CTNNA1: variants seen among roughly 807,000 people sequenced by gnomAD.
The protein encoded by CTNNA1 is catenin alpha 1.
Under a neutral mutation model 98.4 loss-of-function variants are expected in CTNNA1, and 37 were observed. That is an observed-to-expected ratio of 0.38 (90% CI 0.29 to 0.49). CTNNA1 has a LOEUF of 0.49. Ranked by LOEUF, CTNNA1 falls within the 20% of genes least tolerant of loss-of-function variation. The probability of loss-of-function intolerance (pLI) is 0.95; values close to 1 mark genes in which losing one functional copy is unlikely to be tolerated. For synonymous variants in CTNNA1, 404 were observed against 413.2 expected (o/e 0.98, Z 0.27); for missense variants, 761 against 1,147.2 (o/e 0.66, Z 4.86).
chr5:138,843,622 A>G (rs944498045), intron 7 of CTNNA1, among the ~76,000 whole-genome samples: 6 of 152,242 alleles, frequency 3.9e-5, no homozygotes, highest in Admixed American at 3.3e-4. Flanking sequence ...AAATGATGCC[A>G]TTATGTAGAG....
intron 9 of CTNNA1, among the ~76,000 whole-genome samples, chr5:138,894,348 C>T (rs1176726273): frequency 6.8e-6 from 1 of 146,060 alleles, no homozygotes; most frequent in African/African-American, 2.5e-5. Context: ...GTGACACAAT[C>T]ATGGCTCACT....
intron 5 of CTNNA1, among the ~76,000 whole-genome samples, chr5:138,822,160 C>T (rs1344097340): frequency 6.6e-6 from 1 of 152,170 alleles, no homozygotes; most frequent in African/African-American, 2.4e-5. Flanking sequence ...GAAAATGGCA[C>T]ACAGAACATA....
intron 10 of CTNNA1, chr5:138,904,671 A>G: frequency 1.9e-6 from 1 of 527,820 alleles, no homozygotes; most frequent in Non-Finnish European, 3.2e-6. Flanking sequence ...GAAAATGCAC[A>G]GTGGGCTGGG....
chr5:138,846,088 G>A (rs181729185), intron 7 of CTNNA1, among the ~76,000 whole-genome samples: 4 of 152,132 alleles, frequency 2.6e-5, no homozygotes, highest in Admixed American at 2.0e-4. Context: ...CACCACGCCC[G>A]GCTAATTTTC....
At chr5:138,769,610 G>T (rs571439875) in intron 1 of CTNNA1, among the ~76,000 whole-genome samples, 1 of 151,916 alleles carries the variant, frequency 6.6e-6, no homozygotes, top group Non-Finnish European at 1.5e-5. Flanking sequence ...TTGGCTCACC[G>T]CAGCCTCCGC....
intron 9 of CTNNA1, among the ~76,000 whole-genome samples, chr5:138,893,491 A>G (rs532145715): frequency 1.3e-5 from 2 of 151,522 alleles, no homozygotes; most frequent in African/African-American, 4.9e-5. Flanking sequence ...GCATTTTTCC[A>G]CATATTATTG....
chr5:138,827,824 G>A (rs1471589073), intron 7 of CTNNA1, 106 bp downstream of exon 7: 1 of 1,382,990 alleles, frequency 7.2e-7, no homozygotes, highest in Non-Finnish European at 9.8e-7. Flanking sequence ...ATATGTCCTT[G>A]ACTCCTTGAT....
At chr5:138,756,732 A>T in intron 1 of CTNNA1, among the ~76,000 whole-genome samples, 1 of 152,220 alleles carries the variant, frequency 6.6e-6, no homozygotes, top group East Asian at 1.9e-4. Flanking sequence ...AGGTGTAAGA[A>T]GCCATTGTAG....
intron 10 of CTNNA1, among the ~76,000 whole-genome samples, chr5:138,909,016 A>C (rs977759315): frequency 1.3e-5 from 2 of 152,120 alleles, no homozygotes; most frequent in African/African-American, 2.4e-5. Context: ...TGCTTTAAAT[A>C]TTTTAATTTT....
At position 138,846,570 on chromosome 5, in the gene CTNNA1, G is replaced by A. The variant is rs1025682288; in HGVS notation, c.1062+18852G>A. 2.6e-4 allele frequency among the ~76,000 whole-genome samples: 40 copies of A among 152,180 alleles called. 1 individual carries two copies. ...AAGTAAAGAGTATTTTTCCCATTTT[G>A]AAACACGGCCTGTGTCTGTTATTGC... On this transcript the variant is annotated intron_variant, in intron 7 of 17. Transcript: ENST00000302763.
intron 1 of CTNNA1, among the ~76,000 whole-genome samples, chr5:138,763,329 A>G (rs1172094227): frequency 3.3e-5 from 5 of 152,206 alleles, no homozygotes; most frequent in Non-Finnish European, 5.9e-5. Flanking sequence ...GCTCTGTTAC[A>G]TGCATTCTTT....
At chr5:138,816,509 T>TC (rs1224582098) in intron 5 of CTNNA1, among the ~76,000 whole-genome samples, 4 of 152,188 alleles carry the variant, frequency 2.6e-5, no homozygotes, top group Non-Finnish European at 5.9e-5. Context: ...ATAAGAGTGT[T>TC]CCCCTTTCCC....
At chr5:138,888,649 G>A (rs1412955915) in intron 9 of CTNNA1, among the ~76,000 whole-genome samples, 1 of 152,138 alleles carries the variant, frequency 6.6e-6, no homozygotes, top group Non-Finnish European at 1.5e-5. Context: ...CTGGGTTCAA[G>A]CAATTCTCCT....
intron 7 of CTNNA1, among the ~76,000 whole-genome samples, chr5:138,868,014 A>T (rs1032106687): frequency 1.3e-5 from 2 of 152,092 alleles, no homozygotes; most frequent in East Asian, 3.9e-4. Flanking sequence ...AGCCTCCCAA[A>T]GTACTGGGAT....
intron 7 of CTNNA1, among the ~76,000 whole-genome samples, chr5:138,881,665 A>G (rs1752933934): frequency 2.0e-5 from 3 of 152,180 alleles, no homozygotes; most frequent in South Asian, 2.1e-4. Context: ...TCCCTACTGT[A>G]TGGATGACAG....
intron 3 of CTNNA1, among the ~76,000 whole-genome samples, chr5:138,788,842 T>A (rs1232414853): frequency 3.9e-5 from 6 of 152,102 alleles, no homozygotes; most frequent in East Asian, 1.9e-4. Context: ...AGAACAGTGT[T>A]TTATAATCCA....
chr5:138,770,782 C>G (rs565975955), intron 1 of CTNNA1, among the ~76,000 whole-genome samples: 17 of 152,198 alleles, frequency 1.1e-4, no homozygotes, highest in Admixed American at 7.2e-4. Flanking sequence ...GAAACCCCGT[C>G]TCTACTAAAA....
chr5:138,931,802 A>G (rs945969714), intron 16 of CTNNA1: 1 of 985,470 alleles, frequency 1.0e-6, no homozygotes, highest in Non-Finnish European at 1.2e-6. Context: ...GCTCATCTCC[A>G]GTATGGTCTG....
At chr5:138,897,108 G>A (rs181771906) in intron 9 of CTNNA1, among the ~76,000 whole-genome samples, 138 of 151,932 alleles carry the variant, frequency 9.1e-4, no homozygotes, top group African/African-American at 3.3e-3. Flanking sequence ...TCCTTTCCCC[G>A]CTACCACCAG....
Sources: allele counts gnomAD v4.1 joint callset (sites outside exome capture counted in the v4.1 genomes callset), GRCh38; gene constraint gnomAD v4.1.1; transcripts MANE v1.5; gene names NCBI Gene and HGNC (gene_info 2026-07-23, HGNC 2026-07-21).